ZNF207: variants seen among roughly 807,000 people sequenced by gnomAD.
The protein encoded by ZNF207 is zinc finger protein 207.
Under a neutral mutation model 60.2 loss-of-function variants are expected in ZNF207, and 24 were observed. The observed-to-expected ratio is 0.40, with a 90% CI of 0.29 to 0.56. The LOEUF is 0.56. Among genes scored for constraint, ZNF207 ranks in the 20% least tolerant of loss-of-function variants. The pLI, the probability that ZNF207 is intolerant of heterozygous loss-of-function variation, is 0.49. For missense variants in ZNF207, 452 were observed against 636.6 expected (o/e 0.71, Z 3.12); for synonymous variants, 236 against 194.7 (o/e 1.21, Z -1.77).
At chr17:32,360,415 G>A (rs1412608227) in intron 3 of ZNF207, among the ~76,000 whole-genome samples, 183 bp from the exon 4 acceptor site, 4 of 152,088 alleles carry the variant, frequency 2.6e-5, no homozygotes, top group African/African-American at 7.2e-5. Flanking sequence ...GGGAAAGAAC[G>A]TTAATCTTGT....
At chr17:32,355,649 G>C (rs1416003880) in intron 2 of ZNF207, among the ~76,000 whole-genome samples, 3 of 152,166 alleles carry the variant, frequency 2.0e-5, no homozygotes, top group Non-Finnish European at 4.4e-5. Flanking sequence ...TCCTTTGTAA[G>C]GACTGTAGTG....
chr17:32,363,673 A>G (rs1466955412), intron 7 of ZNF207, among the ~76,000 whole-genome samples: 3 of 151,186 alleles, frequency 2.0e-5, no homozygotes, highest in Non-Finnish European at 2.9e-5. Context: ...CTGGGAGTAC[A>G]GGCGCCCACT....
chr17:32,368,287 C>A (rs992810181), intron 10 of ZNF207: 5 of 432,376 alleles, frequency 1.2e-5, no homozygotes, highest in African/African-American at 5.9e-5. Flanking sequence ...TCTTAAAAAT[C>A]ATTTTAGTTA....
At chr17:32,363,585 G>GC (rs1442926994) in intron 7 of ZNF207, among the ~76,000 whole-genome samples, 140 of 119,312 alleles carry the variant, frequency 1.2e-3, no homozygotes, top group African/African-American at 4.3e-3. Flanking sequence ...TGTCACCCAG[G>GC]CTGGAGCATG....
rs371637866 is a variant in ZNF207 at position 32,360,580 on chromosome 17, AT to A, written c.308-6del. 0.088 allele frequency: 76,022 copies of A among 863,830 alleles called. 31 individuals are homozygous for A. The highest frequency in any genetic ancestry group is 0.15 in the South Asian group (6,962 of 47,400). 53.5% of individuals were successfully genotyped at this position (863,830 alleles called of 1,614,324 possible). ...TCTTAGTTTTTACTCTATGGAAATA[AT>A]TTTTTTTTTTTAACAGAAAGTCAAA... On this transcript the variant is annotated splice_polypyrimidine_tract_variant and intron_variant, in intron 3 of 11. Transcript: ENST00000394670.
chr17:32,377,344 T>C lies in ZNF207; in HGVS notation c.*7585T>C, dbSNP rs1905712429. 1 of 151,826 alleles carries C rather than the reference T, an allele frequency of 6.6e-6. No homozygotes were observed. The highest frequency in any genetic ancestry group is 2.4e-5 in the African/African-American group (1 of 41,382). The allele number at this position is 151,826 out of a possible 1,614,324, so 9.4% of individuals were successfully genotyped here. ...CATATCCGAGTCTTTACTAATAAAA[T>C]GAGGCTGCTTAAGTACCCAAGTGGA... On this transcript the variant is annotated 3_prime_UTR_variant, in exon 12 of 12. Coordinates refer to ENST00000394670, the MANE Select transcript of ZNF207 (RefSeq NM_001098507.2).
At chr17:32,360,534 T>C (rs771883207) in intron 3 of ZNF207, 64 bp from the exon 4 acceptor site, 154 of 1,446,122 alleles carry the variant, frequency 1.1e-4, no homozygotes, top group Non-Finnish European at 1.4e-4. Context: ...TTTTTAAATA[T>C]TGAATGTTGT....
At position 32,366,757 on chromosome 17, in the gene ZNF207, A is replaced by G; in HGVS notation, c.921A>G (p.Gln307=). 1.9e-6 allele frequency: 3 copies of G among 1,599,912 alleles called. No homozygotes were observed. The highest frequency in any genetic ancestry group is 1.7e-6 in the Non-Finnish European group (2 of 1,174,600). ...SSKALFPSTA[Q]AQAAVQGPVG... ...AAGCTCTGTTTCCTAGCACAGCACAAGTACGCAGGAAGTTGCAGTTTAAAA... is the reference window on the plus strand; with the variant it reads ...AAGCTCTGTTTCCTAGCACAGCACAGGTACGCAGGAAGTTGCAGTTTAAAA... The change falls in exon 9 of 12, where the codon CAA becomes CAG. Residue 307 remains glutamine (Q), a splice_region_variant and synonymous_variant. Coordinates refer to ENST00000394670, the MANE Select transcript of ZNF207 (RefSeq NM_001098507.2).
In ZNF207 at chr17:32,369,510, A is replaced by C. The variant is rs1597794611; in HGVS notation, c.1324+56A>C. The C allele has an allele frequency of 1.9e-6, 3 of 1,602,886 alleles. No homozygotes were observed. The East Asian group carries it at 6.7e-5, about 36-fold the overall frequency. On this transcript the variant is annotated intron_variant, in intron 11 of 11. Coordinates refer to ENST00000394670, the MANE Select transcript of ZNF207 (RefSeq NM_001098507.2). The stretch of plus-strand genomic sequence containing the variant: ...GTGGATTTTCTAAGTTCACGCATAA[A>C]ATATTAAATTTATCTGCAGCATACG...
Position 32,378,613 on chromosome 17 carries a change from G to T in ZNF207, c.*8854G>T, listed in dbSNP as rs182822394. 2 of 152,026 alleles carry T rather than the reference G, an allele frequency of 1.3e-5. No homozygotes were observed. The highest frequency in any genetic ancestry group is 2.9e-5 in the Non-Finnish European group (2 of 67,894). 9.4% of individuals were successfully genotyped at this position (152,026 alleles called of 1,614,324 possible). A position where few individuals can be genotyped will look rare whatever the true frequency, so the allele number is the denominator to read the frequency against. On this transcript the variant is annotated 3_prime_UTR_variant, in exon 12 of 12. Coordinates refer to ENST00000394670, the MANE Select transcript of ZNF207 (RefSeq NM_001098507.2). Reference sequence around the variant, plus strand: ...ATACTGAAAGTTGACTACTCATCAAGAAATGTAGCTAGATTCTTTATGTAA... The same window carrying T: ...ATACTGAAAGTTGACTACTCATCAATAAATGTAGCTAGATTCTTTATGTAA...
At chr17:32,357,181 TAAA>T (rs78618463) in intron 2 of ZNF207, among the ~76,000 whole-genome samples, 10 of 141,612 alleles carry the variant, frequency 7.1e-5, no homozygotes, top group Admixed American at 1.4e-4. Flanking sequence ...GACCCTGTCT[TAAA>T]AAAAAAAAAA....
At position 32,378,703 on chromosome 17, in the gene ZNF207, T is replaced by A. The variant is rs1283349696; in HGVS notation, c.*8944T>A. 3 of 152,100 alleles carry A rather than the reference T, an allele frequency of 2.0e-5. No homozygotes were observed. Among genetic ancestry groups the A allele is most frequent in the Admixed American group, 6.5e-5 (1 of 15,268 alleles). The allele number at this position is 152,100 out of a possible 1,614,324, so 9.4% of individuals were successfully genotyped here. ...AATGTGTTTTAACATTTTTATTTTT[T>A]TTTTATTCTACCCGAGTTCATTGTT... On this transcript the variant is annotated 3_prime_UTR_variant, in exon 12 of 12. Coordinates refer to ENST00000394670, the MANE Select transcript of ZNF207 (RefSeq NM_001098507.2).
At chr17:32,362,738 T>G (rs1904955607) in intron 6 of ZNF207, 176 bp from the exon 7 acceptor site, 1 of 473,642 alleles carries the variant, frequency 2.1e-6, no homozygotes, top group African/African-American at 2.0e-5. Context: ...TTAGACAATT[T>G]ATTTTGATAG....
chr17:32,360,866 A>G lies in ZNF207; in HGVS notation c.476-26A>G, dbSNP rs1176638947. The G allele has an allele frequency of 1.6e-5, 26 of 1,613,524 alleles. No individual in the cohort carries two copies. In the East Asian group the frequency reaches 2.9e-4, roughly 18 times the overall value. ...CTCTAACTCTTTAATATTTGTTATTATTTTGATTGAAATTCTTGCTTGTAG... is the reference window on the plus strand; with the variant it reads ...CTCTAACTCTTTAATATTTGTTATTGTTTTGATTGAAATTCTTGCTTGTAG... On this transcript the variant is annotated intron_variant, in intron 4 of 11. Transcript: ENST00000394670.
At chr17:32,356,338 T>C (rs963773054) in intron 2 of ZNF207, among the ~76,000 whole-genome samples, 1 of 152,212 alleles carries the variant, frequency 6.6e-6, no homozygotes, top group African/African-American at 2.4e-5. Context: ...ATAGAATGCC[T>C]GTTGCATCAT....
rs1416873428 is a variant in ZNF207, at chr17:32,375,894, C to G, written c.*6135C>G. Reference sequence around the variant, plus strand: ...GCAGATTTTTATAAGTAAACATTCCCCCAATTCCACTTATGCTAACTGTCT... The same window carrying G: ...GCAGATTTTTATAAGTAAACATTCCGCCAATTCCACTTATGCTAACTGTCT... On this transcript the variant is annotated 3_prime_UTR_variant, in exon 12 of 12. Transcript: ENST00000394670. 5 of 151,986 alleles carry G rather than the reference C, an allele frequency of 3.3e-5. No individual in the cohort carries two copies. The highest frequency in any genetic ancestry group is 5.9e-5 in the Non-Finnish European group (4 of 67,898). 9.4% of individuals were successfully genotyped at this position (151,986 alleles called of 1,614,324 possible).
In ZNF207 at chr17:32,354,478, G is replaced by A. The variant is rs1247519156; in HGVS notation, c.168+2566G>A. Reference sequence around the variant, plus strand: ...GGCATGCACCACCGTGCCTGCCTGAGTTGTATTTTTAGTAGAGATGGGGCT... The same window carrying A: ...GGCATGCACCACCGTGCCTGCCTGAATTGTATTTTTAGTAGAGATGGGGCT... On this transcript the variant is annotated intron_variant, in intron 2 of 11. Coordinates refer to ENST00000394670, the MANE Select transcript of ZNF207 (RefSeq NM_001098507.2). 2.6e-5 allele frequency among the ~76,000 whole-genome samples: 4 copies of A among 152,198 alleles called. No individual in the cohort carries two copies. The East Asian group carries it at 5.8e-4, about 22-fold the overall frequency.
rs1262919648 is a variant in ZNF207 at position 32,350,293 on chromosome 17, G to A, written c.8G>A (p.Arg3His). The A allele has an allele frequency of 6.2e-7, 1 of 1,614,132 alleles. No individual in the cohort carries two copies. The highest frequency in any genetic ancestry group is 1.1e-5 in the South Asian group (1 of 91,086). ...TGCCGGTAGAACACAGTTATGGGTCGCAAGAAGAAGAAGCAGCTGAAGCCG... is the reference window on the plus strand; with the variant it reads ...TGCCGGTAGAACACAGTTATGGGTCACAAGAAGAAGAAGCAGCTGAAGCCG... MG[R>H]KKKKQLKPWC... is the part of the protein sequence containing the mutation. Residue 3 changes from arginine (R) to histidine (H), a missense_variant, in exon 1 of 12, where the codon CGC becomes CAC. Coordinates refer to ENST00000394670, the MANE Select transcript of ZNF207 (RefSeq NM_001098507.2).
At chr17:32,358,354 A>C in intron 2 of ZNF207, 149 bp from the exon 3 acceptor site, 2 of 560,308 alleles carry the variant, frequency 3.6e-6, no homozygotes, top group Admixed American at 8.5e-5. Context: ...TGACATGCTT[A>C]ATGTCACAGA....
Sources: allele counts gnomAD v4.1 joint callset (sites outside exome capture counted in the v4.1 genomes callset), GRCh38; gene constraint gnomAD v4.1.1; transcripts MANE v1.5; gene names NCBI Gene and HGNC (gene_info 2026-07-23, HGNC 2026-07-21).